Variants in SIM2 observed in about 807,000 individuals in gnomAD.
SIM2 encodes single-minded homolog 2.
A neutral mutation model predicts 64.8 loss-of-function variants in SIM2; 28 were observed. The observed-to-expected ratio is 0.43, with a 90% confidence interval of 0.32 to 0.59. The LOEUF is 0.59. SIM2 is among the 20% of genes least tolerant of loss of function. SIM2 has a pLI of 0.07. For synonymous variants in SIM2, 408 were observed against 391.1 expected (o/e 1.04, Z -0.51); for missense variants, 847 against 871.4 (o/e 0.97, Z 0.35).
chr21:36,735,827 GGAGAAGCT>G (rs2123483539), intron 7 of SIM2, among the ~76,000 whole-genome samples: 1 of 152,304 alleles, frequency 6.6e-6, no homozygotes, highest in Non-Finnish European at 1.5e-5. Flanking sequence ...GGAGGACAGG[GGAGAAGCT>G]GAGAAGGTGG....
At position 36,749,327 on chromosome 21, in the gene SIM2, T is replaced by C. The variant is rs2089292568; in HGVS notation, c.*1235T>C. The C allele has an allele frequency of 6.6e-6, 1 of 152,566 alleles. No individual in the cohort carries two copies. Among genetic ancestry groups the C allele is most frequent in the African/African-American group, 2.4e-5 (1 of 41,464 alleles). The allele number at this position is 152,566 out of a possible 1,614,324, so 9.5% of individuals were successfully genotyped here. A position where few individuals can be genotyped will look rare whatever the true frequency, so the allele number is the denominator to read the frequency against. ...GCAGCATTTTGCTGCTTTATCAAAA[T>C]GGTTTATTTTAGGAAACTTTTTCCA... On this transcript the variant is annotated 3_prime_UTR_variant, in exon 11 of 11. Transcript: ENST00000290399.
chr21:36,748,006 C>A lies in SIM2; in HGVS notation c.1918C>A (p.His640Asn). Residue 640 changes from histidine (H) to asparagine (N), a missense_variant, in exon 11 of 11, where the codon CAC (histidine) becomes AAC (asparagine). By Grantham distance (68) the His-to-Asn change is moderately conservative. Transcript: ENST00000290399. ...EAATGALRLR[H>N]PSPAATSPPG... ...GGCGACCGGCGCGCTGCGGCTCCGG[C>A]ACCCGAGCCCCGCCGCCACCTCCCC... 16 of 1,130,522 alleles carry A rather than the reference C, an allele frequency of 1.4e-5. No homozygotes were observed. Among genetic ancestry groups the A allele is most frequent in the Non-Finnish European group, 1.7e-5 (16 of 924,128 alleles). 70.0% of individuals were successfully genotyped at this position (1,130,522 alleles called of 1,614,324 possible). A position where few individuals can be genotyped will look rare whatever the true frequency, so the allele number is the denominator to read the frequency against.
intron 7 of SIM2, among the ~76,000 whole-genome samples, chr21:36,734,228 C>T (rs1055044198): frequency 4.6e-5 from 7 of 152,134 alleles, no homozygotes; most frequent in African/African-American, 1.7e-4. Context: ...TCACCAGACC[C>T]ACAAGGTGAT....
Position 36,719,884 on chromosome 21 carries a change from G to T in SIM2, c.412G>T (p.Ala138Ser). The change falls in exon 4 of 11, where the codon GCT becomes TCT. Residue 138 changes from alanine (A) to serine (S), a missense_variant. Around this residue, in one of 3 missense-constraint regions of SIM2, gnomAD observed 397 missense variants for 439.2 expected, o/e 0.90. Transcript: ENST00000290399. ...IHPSDHDEMT[A>S]VLTAHQPLHH... Reference sequence around the variant, plus strand: ...TCCTTCTGACCACGATGAGATGACCGCTGTCCTCACGGCCCACCAGCCGCT... The same window carrying T: ...TCCTTCTGACCACGATGAGATGACCTCTGTCCTCACGGCCCACCAGCCGCT... 1 of 1,613,072 alleles carries T rather than the reference G, an allele frequency of 6.2e-7. No individual in the cohort carries two copies. The highest frequency in any genetic ancestry group is 1.7e-5 in the Admixed American group (1 of 59,986).
chr21:36,725,474 G>A (rs749241228), intron 5 of SIM2, among the ~76,000 whole-genome samples: 5 of 152,218 alleles, frequency 3.3e-5, no homozygotes, highest in Admixed American at 6.5e-5. Context: ...TGGAACAAAT[G>A]GTTGGCCTCC....
In SIM2 at chr21:36,709,238, G is replaced by T; in HGVS notation, c.246G>T (p.Ser82=). 6.2e-7 allele frequency: 1 copy of T among 1,605,160 alleles called. No individual in the cohort carries two copies. Among genetic ancestry groups the T allele is most frequent in the South Asian group, 1.1e-5 (1 of 89,756 alleles). Residue 82 remains serine, a synonymous_variant, in exon 2 of 11, where the codon TCG becomes TCT. Coordinates refer to ENST00000290399, the MANE Select transcript of SIM2 (RefSeq NM_005069.6). ...PLDGVAKELG[S]HLLQTLDGFV... is the part of the protein sequence containing the mutation. ...ACGGCGTCGCCAAGGAGCTGGGATC[G>T]CACTTGCTGCAGGTAGAGCGGCCTC...
chr21:36,742,445 G>A (rs529000690), intron 8 of SIM2, among the ~76,000 whole-genome samples: 7 of 61,222 alleles, frequency 1.1e-4, no homozygotes, highest in East Asian at 4.6e-4. Context: ...TTGTAGAGAC[G>A]GGGTTTTGCT....
chr21:36,716,254 A>C (rs1228210696), intron 3 of SIM2, among the ~76,000 whole-genome samples: 1 of 152,250 alleles, frequency 6.6e-6, no homozygotes, highest in African/African-American at 2.4e-5. Context: ...TCCCCGTGTA[A>C]AAATGTAGCT....
chr21:36,709,342 C>A, intron 2 of SIM2, 92 bp downstream of exon 2: 3 of 1,075,812 alleles, frequency 2.8e-6, no homozygotes, highest in Non-Finnish European at 4.1e-6. Flanking sequence ...TCCCCAGGAG[C>A]GCCAGGCAGA....
intron 7 of SIM2, among the ~76,000 whole-genome samples, chr21:36,732,389 C>T (rs890611686): frequency 3.9e-5 from 6 of 152,172 alleles, no homozygotes; most frequent in Non-Finnish European, 7.3e-5. Flanking sequence ...GGCTCAGGGA[C>T]GTTAGAGGAC....
chr21:36,735,275 G>A (rs1260059658), intron 7 of SIM2, among the ~76,000 whole-genome samples: 2 of 152,222 alleles, frequency 1.3e-5, no homozygotes. Context: ...GCCAGTGGAT[G>A]TGGCTGGGCC....
chr21:36,743,861 G>A (rs541486247), intron 9 of SIM2, among the ~76,000 whole-genome samples: 1 of 152,340 alleles, frequency 6.6e-6, no homozygotes, highest in South Asian at 2.1e-4. Context: ...ATTCTAGACT[G>A]GTGGGTTAGA....
chr21:36,741,991 C>CT lies in SIM2; in HGVS notation c.998+135dup, dbSNP rs1234371875. ...TGTTCATTTGTCTTCTGTTTTTTTT[C>CT]TTTTTTTTAATTTTTTTTTTTTAGG... On this transcript the variant is annotated intron_variant, in intron 8 of 10. Transcript: ENST00000290399. 2,737 of 1,068,758 alleles carry CT rather than the reference C, an allele frequency of 2.6e-3. 41 individuals are homozygous for CT. The African/African-American group carries it at 0.04, about 15-fold the overall frequency. 66.2% of individuals were successfully genotyped at this position (1,068,758 alleles called of 1,614,324 possible).
At chr21:36,706,238 C>A (rs1353005649) in intron 1 of SIM2, among the ~76,000 whole-genome samples, 1 of 152,208 alleles carries the variant, frequency 6.6e-6, no homozygotes, top group African/African-American at 2.4e-5. Context: ...AGGAATGAGG[C>A]GCTGGCTCCC....
At chr21:36,716,922 G>A (rs994304390) in intron 3 of SIM2, among the ~76,000 whole-genome samples, 2 of 151,714 alleles carry the variant, frequency 1.3e-5, no homozygotes, top group South Asian at 2.1e-4. Flanking sequence ...GGATAGATAC[G>A]TAAATACAGG....
At chr21:36,706,828 C>G (rs999596215) in intron 1 of SIM2, among the ~76,000 whole-genome samples, 1 of 152,140 alleles carries the variant, frequency 6.6e-6, no homozygotes, top group Non-Finnish European at 1.5e-5. Context: ...AAATCTCCGC[C>G]GGCAAAGCAG....
At chr21:36,721,068 T>G (rs1237015404) in intron 4 of SIM2, among the ~76,000 whole-genome samples, 1 of 152,138 alleles carries the variant, frequency 6.6e-6, no homozygotes, top group African/African-American at 2.4e-5. Flanking sequence ...GAATACAAAA[T>G]AGCACACACA....
intron 1 of SIM2, among the ~76,000 whole-genome samples, chr21:36,705,211 G>T (rs943252288): frequency 2.0e-5 from 3 of 152,204 alleles, no homozygotes; most frequent in Non-Finnish European, 4.4e-5. Context: ...GAGGCTGCCC[G>T]CGCAGAAAGC....
intron 4 of SIM2, among the ~76,000 whole-genome samples, 185 bp from the exon 5 acceptor site, chr21:36,722,860 G>A (rs1283598263): frequency 1.3e-5 from 2 of 152,170 alleles, no homozygotes. Flanking sequence ...ACCAGGACTG[G>A]GCTGGTGTCT....
Sources: allele counts gnomAD v4.1 joint callset (sites outside exome capture counted in the v4.1 genomes callset), GRCh38; gene constraint gnomAD v4.1.1; regional missense constraint gnomAD v4.1.1; transcripts MANE v1.5; gene names NCBI Gene and HGNC (gene_info 2026-07-23, HGNC 2026-07-21).